The following TAF8 variants were observed in gnomAD, a reference collection of about 807,000 sequenced individuals.
TAF8 encodes the protein transcription initiation factor TFIID subunit 8.
Under a neutral mutation model 36.5 loss-of-function variants are expected in TAF8, and 47 were observed. The ratio of observed to expected loss-of-function variants is 1.29; its 90% CI spans 1.02 to 1.64. The LOEUF (loss-of-function observed/expected upper bound fraction) is 1.64, where lower values mean the gene tolerates loss of function less well. Among genes scored for constraint, TAF8 ranks in the 40% most tolerant of loss-of-function variants. The pLI is 0.00. For missense variants in TAF8, 420 were observed against 407.6 expected (o/e 1.03, Z -0.26); for synonymous variants, 175 against 159.5 (o/e 1.10, Z -0.73).
At chr6:42,058,318 T>G (rs997491653) in intron 5 of TAF8, among the ~76,000 whole-genome samples, 2 of 152,140 alleles carry the variant, frequency 1.3e-5, no homozygotes, top group Non-Finnish European at 2.9e-5. Flanking sequence ...AGACAGAGGT[T>G]GCAGTGAGCT....
intron 7 of TAF8, among the ~76,000 whole-genome samples, chr6:42,072,763 C>G (rs184985406): frequency 6.6e-6 from 1 of 152,008 alleles, no homozygotes; most frequent in Non-Finnish European, 1.5e-5. Context: ...CGCTCTGTCA[C>G]CCAGGCTGCA....
intron 3 of TAF8, 81 bp from the exon 4 acceptor site, chr6:42,055,871 C>T (rs901070100): frequency 1.1e-5 from 11 of 992,928 alleles, no homozygotes; most frequent in South Asian, 2.6e-5. Context: ...GAGTTTAAGC[C>T]ATTTGTCCAT....
In TAF8 at chr6:42,083,068, G is replaced by A. The variant is rs1042134889; in HGVS notation, c.*5523G>A. On this transcript the variant is annotated 3_prime_UTR_variant, in exon 9 of 9. Coordinates refer to ENST00000372977, the MANE Select transcript of TAF8 (RefSeq NM_138572.3). ...TTAAAAGACAGAAAAAGATATAAGT[G>A]ATAACAAAATATCTTCCTCCTCCCC... 1 of 152,182 alleles carries A rather than the reference G, an allele frequency of 6.6e-6. No homozygotes were observed. Among genetic ancestry groups the A allele is most frequent in the African/African-American group, 2.4e-5 (1 of 41,438 alleles). The allele number at this position is 152,182 out of a possible 1,614,324, so 9.4% of individuals were successfully genotyped here.
chr6:42,068,657 A>C (rs2492926), intron 7 of TAF8, 50 bp downstream of exon 7: 1,184,296 of 1,598,480 alleles, frequency 0.74, 440,005 homozygotes, highest in African/African-American at 0.8. Flanking sequence ...ACTGTCGCAC[A>C]CTGCCCTCAG....
In TAF8 at chr6:42,076,281, C is replaced by G. The variant is rs1008328071; in HGVS notation, c.781-819C>G. On this transcript the variant is annotated intron_variant, in intron 7 of 8. Coordinates refer to ENST00000372977, the MANE Select transcript of TAF8 (RefSeq NM_138572.3). ...GCCTGGCCAACTGGTAAAACCCCGT[C>G]TCTACTAAAAATACAAAAATTAGCC... Among the ~76,000 whole-genome samples, 3 of 151,772 alleles carry G rather than the reference C, an allele frequency of 2.0e-5. No individual in the cohort carries two copies. In the East Asian group the frequency reaches 5.8e-4, roughly 29 times the overall value.
chr6:42,086,197 GCT>G (rs1181878198), downstream of TAF8, among the ~76,000 whole-genome samples: 1 of 152,214 alleles, frequency 6.6e-6, no homozygotes, highest in Non-Finnish European at 1.5e-5. Context: ...ATTGCCAAAT[GCT>G]CTCCATAGAG....
In TAF8 at chr6:42,077,575, G is replaced by A; in HGVS notation, c.*30G>A. ...AGAAGGAAACCTGGCTTGTACAGGGGCGCAGATTCCACCCTCCCGGGGAGT... is the reference window on the plus strand; with the variant it reads ...AGAAGGAAACCTGGCTTGTACAGGGACGCAGATTCCACCCTCCCGGGGAGT... On this transcript the variant is annotated 3_prime_UTR_variant, in exon 9 of 9. Transcript: ENST00000372977. 3 of 1,611,616 alleles carry A rather than the reference G, an allele frequency of 1.9e-6. 1 individual carries two copies. Among genetic ancestry groups the A allele is most frequent in the South Asian group, 2.2e-5 (2 of 90,360 alleles).
In TAF8 at chr6:42,077,626, G is replaced by A. The variant is rs73735020; in HGVS notation, c.*81G>A. 209,452 of 1,580,264 alleles carry A rather than the reference G, an allele frequency of 0.13. 14,814 individuals carry two copies. Among genetic ancestry groups the A allele is most frequent in the East Asian group, 0.24 (10,234 of 43,434 alleles). ...TAAAGCCACTCAAGGGAAGAAGAGG[G>A]TGACCTCCTCATGGCCAAGCCGAGG... is the stretch of plus-strand genomic sequence containing the variant. On this transcript the variant is annotated 3_prime_UTR_variant, in exon 9 of 9. Coordinates refer to ENST00000372977, the MANE Select transcript of TAF8 (RefSeq NM_138572.3).
intron 7 of TAF8, 41 bp downstream of exon 7, chr6:42,068,648 C>A (rs1337954075): frequency 5.0e-6 from 8 of 1,603,756 alleles, no homozygotes; most frequent in South Asian, 3.3e-5. Context: ...ATCCCCCAAA[C>A]TGTCGCACAC....
At chr6:42,057,773 AAAG>A (rs1044741501) in intron 5 of TAF8, 13 of 315,476 alleles carry the variant, frequency 4.1e-5, no homozygotes, top group African/African-American at 9.8e-5. Context: ...ATAAATAAAT[AAAG>A]AAAAAAAAAA....
intron 7 of TAF8, among the ~76,000 whole-genome samples, chr6:42,073,238 G>A (rs1765640593): frequency 6.6e-6 from 1 of 152,112 alleles, no homozygotes; most frequent in Non-Finnish European, 1.5e-5. Context: ...AGCCAACCCA[G>A]ATATCTAAGC....
intron 5 of TAF8, among the ~76,000 whole-genome samples, chr6:42,062,348 G>A (rs1459012003): frequency 1.3e-5 from 2 of 151,898 alleles, no homozygotes; most frequent in Non-Finnish European, 2.9e-5. Context: ...TCCAGATTCT[G>A]GCCCCACATC....
chr6:42,077,548 T>C lies in TAF8; in HGVS notation c.*3T>C, dbSNP rs1451616625. ...TTCTTTCTAGGTCCCTCTCCTGAGC[T>C]GAGAAGGAAACCTGGCTTGTACAGG... On this transcript the variant is annotated 3_prime_UTR_variant, in exon 9 of 9. Transcript: ENST00000372977. 6.2e-7 allele frequency: 1 copy of C among 1,612,990 alleles called. No individual in the cohort carries two copies. Among genetic ancestry groups the C allele is most frequent in the Non-Finnish European group, 8.5e-7 (1 of 1,179,606 alleles).
intron 3 of TAF8, 139 bp downstream of exon 3, chr6:42,055,768 G>T: frequency 1.3e-6 from 1 of 791,856 alleles, no homozygotes; most frequent in South Asian, 1.6e-5. Context: ...TATCAAGAGA[G>T]ATTCCTCTGA....
At chr6:42,072,639 A>G (rs867630907) in intron 7 of TAF8, among the ~76,000 whole-genome samples, 3 of 151,946 alleles carry the variant, frequency 2.0e-5, no homozygotes, top group Non-Finnish European at 2.9e-5. Context: ...CATTTAATTT[A>G]TCTAGTCCCC....
chr6:42,079,190 G>A lies in TAF8; in HGVS notation c.*1645G>A. The A allele has an allele frequency of 2.0e-6, 2 of 985,482 alleles. No homozygotes were observed. The highest frequency in any genetic ancestry group is 2.4e-6 in the Non-Finnish European group (2 of 829,944). 61.0% of individuals were successfully genotyped at this position (985,482 alleles called of 1,614,324 possible). On this transcript the variant is annotated 3_prime_UTR_variant, in exon 9 of 9. Transcript: ENST00000372977. ...GGTGGGGTGAGGGTGGGGTGTTGAG[G>A]GCTGGGCCTCATCTTGTATTCTGAA...
chr6:42,055,604 T>C lies in TAF8; in HGVS notation c.276T>C (p.Asp92=). The C allele has an allele frequency of 6.2e-7, 1 of 1,614,212 alleles. No homozygotes were observed. Among genetic ancestry groups the C allele is most frequent in the East Asian group, 2.2e-5 (1 of 44,888 alleles). ...HTARTQPTLS[D]IVVTLVEMGF... ...CCAGGACCCAGCCCACACTGTCCGA[T>C]ATCGTGGTCACACTTGTTGAGATGG... The change falls in exon 3 of 9, where the codon GAT becomes GAC. Residue 92 remains aspartate (D), a synonymous_variant. Transcript: ENST00000372977.
At position 42,054,968 on chromosome 6, in the gene TAF8, C is replaced by T. The variant is rs1272122301; in HGVS notation, c.203-563C>T. Among the ~76,000 whole-genome samples the T allele has an allele frequency of 1.9e-4, 27 of 144,940 alleles. 1 individual carries two copies. Among genetic ancestry groups the T allele is most frequent in the African/African-American group, 5.1e-4 (20 of 38,952 alleles). ...TTTTGAGAAGGAGTTCTCACTCTGT[C>T]GCCCAGGCTGGAGTGCAATGGCACA... On this transcript the variant is annotated intron_variant, in intron 2 of 8. Transcript: ENST00000372977.
Position 42,081,765 on chromosome 6 carries a change from T to A in TAF8, c.*4220T>A, listed in dbSNP as rs1481407191. 6.6e-6 allele frequency: 1 copy of A among 152,092 alleles called. No homozygotes were observed. The highest frequency in any genetic ancestry group is 1.5e-5 in the Non-Finnish European group (1 of 68,022). The allele number at this position is 152,092 out of a possible 1,614,324, so 9.4% of individuals were successfully genotyped here. A position where few individuals can be genotyped will look rare whatever the true frequency, so the allele number is the denominator to read the frequency against. On this transcript the variant is annotated 3_prime_UTR_variant, in exon 9 of 9. Transcript: ENST00000372977. ...CAGGTGATCACCTGCCTCAGCCTCC[T>A]AAAGTGCTGAGGTTACAGGCGTGAG...
Sources: gnomAD v4.1 joint callset for allele counts (sites outside exome capture counted in the v4.1 genomes callset) on GRCh38, gnomAD v4.1.1 for gene constraint, MANE v1.5 for transcripts, NCBI Gene and HGNC (gene_info 2026-07-23, HGNC 2026-07-21) for gene names.